Variants in CCDC141 observed in about 807,000 individuals in gnomAD.
CCDC141 encodes the protein coiled-coil domain-containing protein 141.
In CCDC141, 168 loss-of-function variants were observed where a neutral mutation model predicts 181.0. The ratio of observed to expected loss-of-function variants is 0.93; its 90% confidence interval spans 0.82 to 1.05. The LOEUF (loss-of-function observed/expected upper bound fraction) is 1.05, where lower values mean the gene tolerates loss of function less well. Ranked by LOEUF, CCDC141 falls within the 50% of genes least tolerant of loss-of-function variation. CCDC141 has a pLI of 0.00. For synonymous variants in CCDC141, 666 were observed against 642.3 expected, an observed-to-expected ratio of 1.04 and a Z score of -0.56; for missense variants, 1,902 against 1,788.5, an observed-to-expected ratio of 1.06 and a Z score of -1.14.
chr2:178,823,248 G>A, the CCDC141 span, among the ~76,000 whole-genome samples: 239 of 152,164 alleles, frequency 1.6e-3, no homozygotes, highest in African/African-American at 5.6e-3. Context: ...ATAAGAATAA[G>A]CATCCTCTAT....
intron 2 of CCDC141, among the ~76,000 whole-genome samples, chr2:178,996,855 A>C (rs563532675): frequency 6.6e-6 from 1 of 152,280 alleles, no homozygotes; most frequent in South Asian, 2.1e-4. Context: ...CTGCTTTGGG[A>C]ATCTGTAGAA....
intron 8 of CCDC141, among the ~76,000 whole-genome samples, chr2:178,900,277 T>A (rs1687622532): frequency 1.3e-5 from 2 of 152,068 alleles, no homozygotes; most frequent in Non-Finnish European, 1.5e-5. Flanking sequence ...AAAAACAGGA[T>A]TGTAGATGTC....
chr2:178,848,791 G>A (rs1354935858), intron 21 of CCDC141, among the ~76,000 whole-genome samples: 2 of 151,786 alleles, frequency 1.3e-5, no homozygotes, highest in Admixed American at 1.3e-4. Flanking sequence ...GAGGTGGGGA[G>A]GAAAGAATAA....
chr2:178,877,113 G>C (rs536925237), intron 12 of CCDC141: 1 of 152,110 alleles, frequency 6.6e-6, no homozygotes, highest in Non-Finnish European at 1.5e-5. Context: ...ACAAACCATA[G>C]AAAATCCTGA....
At chr2:179,046,820 C>T (rs1226279376) in intron 2 of CCDC141, among the ~76,000 whole-genome samples, 1 of 152,122 alleles carries the variant, frequency 6.6e-6, no homozygotes, top group East Asian at 1.9e-4. Context: ...TCTGGTTTTA[C>T]CAGAAGTATT....
intron 2 of CCDC141, among the ~76,000 whole-genome samples, chr2:179,015,282 C>G (rs200664221): frequency 4.0e-4 from 8 of 20,018 alleles, no homozygotes; most frequent in Non-Finnish European, 6.3e-4. Flanking sequence ...TCTCATCTAT[C>G]TCTCATATAT....
chr2:178,932,973 A>G (rs1689155774), intron 6 of CCDC141, among the ~76,000 whole-genome samples: 1 of 152,102 alleles, frequency 6.6e-6, no homozygotes, highest in Non-Finnish European at 1.5e-5. Flanking sequence ...GTGGGACCTA[A>G]GCACTGGTAT....
chr2:178,936,247 TAATC>T (rs1236623738), intron 6 of CCDC141, among the ~76,000 whole-genome samples: 4 of 152,168 alleles, frequency 2.6e-5, no homozygotes, highest in Non-Finnish European at 4.4e-5. Flanking sequence ...TTTAAGTCCT[TAATC>T]AACCCATCTT....
At position 178,908,121 on chromosome 2, in the gene CCDC141, T is replaced by C. The variant is rs144946078; in HGVS notation, c.1093-2620A>G. Among the ~76,000 whole-genome samples the C allele has an allele frequency of 1.2e-3, 178 of 152,230 alleles. 1 individual carries two copies. Among genetic ancestry groups the C allele is most frequent in the Non-Finnish European group, 1.7e-3 (113 of 68,042 alleles). On this transcript the variant is annotated intron_variant, in intron 7 of 23. Transcript: ENST00000443758. Reference sequence around the variant, plus strand: ...CCAATAACCACTGTTTCTGAACATTTTAAATACATTTTAAAATTTGTATTA... The same window carrying C: ...CCAATAACCACTGTTTCTGAACATTCTAAATACATTTTAAAATTTGTATTA...
the CCDC141 span, among the ~76,000 whole-genome samples, chr2:178,822,410 T>TA: frequency 3.7e-4 from 49 of 131,790 alleles, no homozygotes; most frequent in Admixed American, 1.6e-3. Context: ...GTATAATAAT[T>TA]AAAAAAAAAA....
intron 6 of CCDC141, among the ~76,000 whole-genome samples, chr2:178,923,553 C>T (rs1023027059): frequency 2.6e-5 from 4 of 152,154 alleles, no homozygotes; most frequent in African/African-American, 9.7e-5. Flanking sequence ...TGCCTGCCTG[C>T]GAAGTGTTAA....
At position 178,865,268 on chromosome 2, in the gene CCDC141, TC is replaced by T. The variant is rs558491354; in HGVS notation, c.2724+498del. Among the ~76,000 whole-genome samples the T allele has an allele frequency of 1.8e-4, 28 of 152,318 alleles. 1 individual carries two copies. Among genetic ancestry groups the T allele is most frequent in the Middle Eastern group, 3.4e-3 (1 of 294 alleles). On this transcript the variant is annotated intron_variant, in intron 17 of 23. Coordinates refer to ENST00000443758, the MANE Select transcript of CCDC141 (RefSeq NM_173648.4). ...GCCACTTGACCTCAGTGCTAATACT[TC>T]GTAGCCTCCAAAGCAAAGTGTCTGC...
chr2:178,935,877 G>A (rs1400872987), intron 6 of CCDC141, among the ~76,000 whole-genome samples: 1 of 151,692 alleles, frequency 6.6e-6, no homozygotes, highest in African/African-American at 2.4e-5. Flanking sequence ...CATGTTTGTG[G>A]GCTACATGTA....
chr2:179,029,038 A>C (rs1434273080), intron 2 of CCDC141, among the ~76,000 whole-genome samples: 1 of 151,978 alleles, frequency 6.6e-6, no homozygotes, highest in Non-Finnish European at 1.5e-5. Context: ...GCCTCATCTC[A>C]TATTTGCTGA....
At chr2:178,990,079 T>C (rs370078421) in intron 2 of CCDC141, among the ~76,000 whole-genome samples, 1 of 146,948 alleles carries the variant, frequency 6.8e-6, no homozygotes, top group African/African-American at 2.5e-5. Flanking sequence ...GCAAAGGTTA[T>C]AGTGAGCTGA....
chr2:178,934,039 T>C (rs1474016800), intron 6 of CCDC141, among the ~76,000 whole-genome samples: 2 of 152,150 alleles, frequency 1.3e-5, no homozygotes, highest in Admixed American at 1.3e-4. Context: ...CATTTTTTTT[T>C]AGGCTGGATG....
intron 6 of CCDC141, among the ~76,000 whole-genome samples, chr2:178,944,282 A>G (rs1689637563): frequency 6.6e-6 from 1 of 152,208 alleles, no homozygotes; most frequent in African/African-American, 2.4e-5. Context: ...TACATACTAT[A>G]GTGCCTGGCA....
At chr2:178,850,951 A>G (rs902287204) in intron 20 of CCDC141, among the ~76,000 whole-genome samples, 2 of 152,166 alleles carry the variant, frequency 1.3e-5, no homozygotes, top group Admixed American at 6.5e-5. Context: ...CGCGCCTGTA[A>G]TCCGAGCACT....
chr2:179,031,827 C>T (rs2043008697), intron 2 of CCDC141, among the ~76,000 whole-genome samples: 1 of 152,024 alleles, frequency 6.6e-6, no homozygotes, highest in South Asian at 2.1e-4. Context: ...AAGCAGTCAG[C>T]AATAGCCTTG....
Sources: gnomAD v4.1 joint callset for allele counts (sites outside exome capture counted in the v4.1 genomes callset) on GRCh38, gnomAD v4.1.1 for gene constraint, MANE v1.5 for transcripts, NCBI Gene and HGNC (gene_info 2026-07-23, HGNC 2026-07-21) for gene names.